The following SORCS3 variants were observed in gnomAD, a reference collection of about 807,000 sequenced individuals.
SORCS3 encodes sortilin related VPS10 domain containing receptor 3.
SORCS3 carries 57 observed loss-of-function variants against 146.3 expected under a neutral mutation model. The observed-to-expected ratio is 0.39, with a 90% CI of 0.31 to 0.49. The LOEUF (loss-of-function observed/expected upper bound fraction) is 0.49, where lower values mean the gene tolerates loss of function less well. Ranked by LOEUF, SORCS3 falls within the 20% of genes least tolerant of loss-of-function variation. The pLI, the probability that SORCS3 is intolerant of heterozygous loss-of-function variation, is 0.92. For missense variants in SORCS3, 1,341 were observed against 1,575.5 expected, an observed-to-expected ratio of 0.85 and a Z score of 2.52; for synonymous variants, 653 against 618.5, an observed-to-expected ratio of 1.06 and a Z score of -0.83.
At chr10:104,721,626 A>G (rs2016550725) in intron 1 of SORCS3, among the ~76,000 whole-genome samples, 1 of 152,152 alleles carries the variant, frequency 6.6e-6, no homozygotes, top group Non-Finnish European at 1.5e-5. Context: ...ATGTTCTTCC[A>G]TTTGTTTGTA....
chr10:105,083,447 G>A (rs2055638737), intron 5 of SORCS3, among the ~76,000 whole-genome samples: 1 of 152,040 alleles, frequency 6.6e-6, no homozygotes, highest in African/African-American at 2.4e-5. Context: ...TGCTTGAGAG[G>A]GAAGAGGTGC....
At chr10:105,187,979 A>ATGGTGGTGGTGGTGCTGCTGCTGC (rs978081006) in intron 14 of SORCS3, among the ~76,000 whole-genome samples, 2 of 152,058 alleles carry the variant, frequency 1.3e-5, no homozygotes, top group African/African-American at 4.8e-5. Flanking sequence ...AGCTTTTTAA[A>ATGGTGGTGGTGGTGCTGCTGCTGC]TGGTGGTGGT....
intron 6 of SORCS3, among the ~76,000 whole-genome samples, chr10:105,102,517 A>G (rs559032967): frequency 3.3e-5 from 5 of 152,302 alleles, no homozygotes; most frequent in Admixed American, 6.5e-5. Context: ...AACAGACACC[A>G]GGGCTTACTT....
At chr10:105,127,864 T>C (rs1235612194) in intron 7 of SORCS3, among the ~76,000 whole-genome samples, 3 of 152,142 alleles carry the variant, frequency 2.0e-5, no homozygotes, top group African/African-American at 7.2e-5. Context: ...CGAGCCACTG[T>C]GAAATTCACT....
chr10:104,890,370 G>T (rs1478371275), intron 2 of SORCS3, among the ~76,000 whole-genome samples: 7 of 151,604 alleles, frequency 4.6e-5, no homozygotes, highest in Non-Finnish European at 7.4e-5. Context: ...TTTCATTTTG[G>T]TATGCAAATA....
intron 1 of SORCS3, among the ~76,000 whole-genome samples, chr10:104,818,148 T>C (rs566212818): frequency 8.5e-5 from 13 of 152,240 alleles, no homozygotes; most frequent in African/African-American, 2.9e-4. Context: ...CAGGAAACTT[T>C]CCTACTGGCT....
intron 4 of SORCS3, among the ~76,000 whole-genome samples, chr10:104,988,553 T>G (rs1229811226): frequency 6.6e-6 from 1 of 152,160 alleles, no homozygotes; most frequent in Non-Finnish European, 1.5e-5. Flanking sequence ...TCCCATTAAT[T>G]TATTCAAATC....
At chr10:104,832,406 T>A (rs1290191557) in intron 1 of SORCS3, among the ~76,000 whole-genome samples, 1 of 152,112 alleles carries the variant, frequency 6.6e-6, no homozygotes, top group Non-Finnish European at 1.5e-5. Context: ...TGGATATTCC[T>A]TTCAGCTTCC....
intron 1 of SORCS3, 68 bp downstream of exon 1, chr10:104,642,022 G>GGGTGGGGGGGGGGGGGGGCCC: frequency 5.8e-6 from 1 of 173,336 alleles, no homozygotes; most frequent in Non-Finnish European, 1.1e-5. Flanking sequence ...GGGTGGGTGG[G>GGGTGGGGGGGGGGGGGGGCCC]AGCGAGGGAC....
At chr10:104,750,751 G>A (rs1489234630) in intron 1 of SORCS3, among the ~76,000 whole-genome samples, 1 of 152,186 alleles carries the variant, frequency 6.6e-6, no homozygotes, top group Non-Finnish European at 1.5e-5. Flanking sequence ...GCACAAAATA[G>A]GATGAGGTAG....
chr10:104,874,855 C>T (rs896897678), intron 2 of SORCS3, among the ~76,000 whole-genome samples: 1 of 152,006 alleles, frequency 6.6e-6, no homozygotes, highest in Non-Finnish European at 1.5e-5. Context: ...GGGTCTCTGA[C>T]CTCATACCCT....
At chr10:104,807,098 C>T (rs1400276363) in intron 1 of SORCS3, among the ~76,000 whole-genome samples, 1 of 121,266 alleles carries the variant, frequency 8.2e-6, no homozygotes, top group Non-Finnish European at 2.0e-5. Context: ...TGTGGATTCC[C>T]AGGAAGCATT....
chr10:104,975,230 A>G (rs1040081014), intron 3 of SORCS3, among the ~76,000 whole-genome samples: 4 of 152,196 alleles, frequency 2.6e-5, no homozygotes. Flanking sequence ...TACAAAATCA[A>G]TGTACAGAAA....
intron 2 of SORCS3, among the ~76,000 whole-genome samples, chr10:104,846,517 C>A (rs1336078565): frequency 6.6e-6 from 1 of 152,186 alleles, no homozygotes; most frequent in Non-Finnish European, 1.5e-5. Context: ...GCTGTCATGA[C>A]AAGATGACAC....
intron 1 of SORCS3, among the ~76,000 whole-genome samples, chr10:104,815,812 G>T (rs2017791359): frequency 1.3e-5 from 2 of 152,104 alleles, no homozygotes; most frequent in African/African-American, 4.8e-5. Flanking sequence ...TTTCTATATA[G>T]CTGTAATAAG....
At chr10:104,779,849 C>A (rs949683310) in intron 1 of SORCS3, among the ~76,000 whole-genome samples, 3 of 152,218 alleles carry the variant, frequency 2.0e-5, no homozygotes, top group Non-Finnish European at 4.4e-5. Context: ...CTGCCTCACC[C>A]CGCGCGCTCC....
chr10:104,750,645 A>G (rs1323163821), intron 1 of SORCS3, among the ~76,000 whole-genome samples: 2 of 152,226 alleles, frequency 1.3e-5, no homozygotes, highest in Admixed American at 1.3e-4. Flanking sequence ...AACAGGATAT[A>G]AAATGATATT....
chr10:105,115,842 G>T (rs905484868), intron 7 of SORCS3, among the ~76,000 whole-genome samples: 2 of 152,102 alleles, frequency 1.3e-5, no homozygotes, highest in South Asian at 2.1e-4. Flanking sequence ...ATGTTAATTT[G>T]GTCTTAATGG....
chr10:105,035,482 T>A (rs1416498219), intron 4 of SORCS3, among the ~76,000 whole-genome samples: 3 of 151,894 alleles, frequency 2.0e-5, no homozygotes, highest in Non-Finnish European at 4.4e-5. Context: ...TTTTTTTTCT[T>A]TTTGAGATGG....
Sources: gnomAD v4.1 joint callset for allele counts (sites outside exome capture counted in the v4.1 genomes callset) on GRCh38, gnomAD v4.1.1 for gene constraint, MANE v1.5 for transcripts, NCBI Gene and HGNC (gene_info 2026-07-23, HGNC 2026-07-21) for gene names.